Variants in AUTS2 observed in about 807,000 individuals in gnomAD.
AUTS2 encodes the protein activator of transcription and developmental regulator AUTS2.
AUTS2 carries 17 observed loss-of-function variants against 112.4 expected under a neutral mutation model. The ratio of observed to expected loss-of-function variants is 0.15; its 90% CI spans 0.10 to 0.23. The LOEUF (loss-of-function observed/expected upper bound fraction) is 0.23. AUTS2 is among the 10% of genes least tolerant of loss of function. The probability of loss-of-function intolerance (pLI) is 1.00; values close to 1 mark genes in which losing one functional copy is unlikely to be tolerated. For missense variants in AUTS2, 1,510 were observed against 1,701.6 expected (o/e 0.89, Z 1.98); for synonymous variants, 751 against 702.7 (o/e 1.07, Z -1.09).
intron 4 of AUTS2, among the ~76,000 whole-genome samples, chr7:70,230,771 T>C (rs1487018025): frequency 6.6e-6 from 1 of 152,272 alleles, no homozygotes; most frequent in Non-Finnish European, 1.5e-5. Context: ...TACTGGTTTG[T>C]TGCTTGCTTC....
chr7:70,329,772 G>A (rs1357483875), intron 4 of AUTS2, among the ~76,000 whole-genome samples: 3 of 151,634 alleles, frequency 2.0e-5, no homozygotes, highest in Non-Finnish European at 4.4e-5. Context: ...ATTTGATGAA[G>A]TCTTAGCCTG....
At chr7:69,730,746 G>A (rs1786757003) in intron 1 of AUTS2, among the ~76,000 whole-genome samples, 1 of 152,150 alleles carries the variant, frequency 6.6e-6, no homozygotes, top group Non-Finnish European at 1.5e-5. Context: ...TAATATGTGT[G>A]CACCATCATT....
chr7:69,786,609 C>T (rs945841148), intron 1 of AUTS2, among the ~76,000 whole-genome samples: 3 of 152,180 alleles, frequency 2.0e-5, no homozygotes, highest in African/African-American at 7.2e-5. Flanking sequence ...AGCTGTAACA[C>T]TCACCACGAA....
At chr7:70,771,361 T>TTTAAC in intron 10 of AUTS2, 188 bp from the exon 11 acceptor site, 1 of 459,838 alleles carries the variant, frequency 2.2e-6, no homozygotes. Context: ...CTGAACTACT[T>TTTAAC]TTAACTTTTT....
intron 4 of AUTS2, among the ~76,000 whole-genome samples, chr7:70,397,509 C>T (rs1447518138): frequency 6.6e-6 from 1 of 151,980 alleles, no homozygotes; most frequent in African/African-American, 2.4e-5. Context: ...CTATATAAAT[C>T]TTTTGCCCAT....
At chr7:70,520,801 A>G (rs1799611373) in intron 5 of AUTS2, among the ~76,000 whole-genome samples, 2 of 152,222 alleles carry the variant, frequency 1.3e-5, no homozygotes, top group Non-Finnish European at 2.9e-5. Context: ...ACTGAGAAGC[A>G]GTTCAGAGAT....
At chr7:69,987,667 G>T (rs1339199613) in intron 2 of AUTS2, among the ~76,000 whole-genome samples, 1 of 152,102 alleles carries the variant, frequency 6.6e-6, no homozygotes, top group Non-Finnish European at 1.5e-5. Flanking sequence ...ACCAGGTCTT[G>T]TGATGTTGCC....
intron 4 of AUTS2, among the ~76,000 whole-genome samples, chr7:70,137,347 G>T (rs1307152693): frequency 6.6e-6 from 1 of 151,462 alleles, no homozygotes; most frequent in African/African-American, 2.4e-5. Context: ...ACATACTCAT[G>T]CCCAGCTCAT....
At chr7:69,625,538 C>T (rs1793904045) in intron 1 of AUTS2, among the ~76,000 whole-genome samples, 1 of 151,932 alleles carries the variant, frequency 6.6e-6, no homozygotes, top group Admixed American at 6.6e-5. Flanking sequence ...AAAAGAACAC[C>T]TAGATAAAAA....
At position 69,830,454 on chromosome 7, in the gene AUTS2, G is replaced by A. The variant is rs868764889; in HGVS notation, c.310-68832G>A. ...TAAAAATTCAGTATGTTTTCTTGTT[G>A]TCTTATTTCACCAATGAGCTCAGAT... On this transcript the variant is annotated intron_variant, in intron 1 of 18. Transcript: ENST00000342771. Among the ~76,000 whole-genome samples the A allele has an allele frequency of 7.6e-4, 115 of 152,212 alleles. 1 individual carries two copies. Among genetic ancestry groups the A allele is most frequent in the African/African-American group, 2.6e-3 (109 of 41,550 alleles).
intron 2 of AUTS2, among the ~76,000 whole-genome samples, chr7:69,934,773 G>A (rs1403223263): frequency 3.3e-5 from 5 of 152,124 alleles, no homozygotes; most frequent in Non-Finnish European, 7.3e-5. Context: ...GTTCAATCTC[G>A]TCTTGACAGA....
intron 1 of AUTS2, among the ~76,000 whole-genome samples, chr7:69,657,806 A>G (rs1795611614): frequency 6.6e-6 from 1 of 152,224 alleles, no homozygotes; most frequent in African/African-American, 2.4e-5. Context: ...CAGTGGGCAT[A>G]CTTCTCTTCT....
chr7:69,607,595 C>G (rs994580458), intron 1 of AUTS2, among the ~76,000 whole-genome samples: 2 of 152,158 alleles, frequency 1.3e-5, no homozygotes, highest in South Asian at 4.1e-4. Context: ...TGTCTGAATT[C>G]TAGTTAGTTT....
chr7:70,281,497 T>C (rs959503209), intron 4 of AUTS2, among the ~76,000 whole-genome samples: 4 of 152,168 alleles, frequency 2.6e-5, no homozygotes, highest in Non-Finnish European at 5.9e-5. Context: ...GTTAAAGTGA[T>C]AGGGTGGAAA....
intron 1 of AUTS2, among the ~76,000 whole-genome samples, chr7:69,620,913 G>C (rs374312350): frequency 5.4e-4 from 82 of 152,146 alleles, no homozygotes; most frequent in Non-Finnish European, 1.2e-3. Flanking sequence ...GGGAATAAGG[G>C]CAGGGACTTG....
intron 1 of AUTS2, among the ~76,000 whole-genome samples, chr7:69,805,372 A>G (rs1043046498): frequency 2.0e-5 from 3 of 152,230 alleles, no homozygotes; most frequent in African/African-American, 7.2e-5. Flanking sequence ...GGGGGAGGAT[A>G]GTCAGAAAGA....
intron 1 of AUTS2, among the ~76,000 whole-genome samples, chr7:69,619,084 C>T (rs550723020): frequency 6.6e-6 from 1 of 152,254 alleles, no homozygotes; most frequent in East Asian, 1.9e-4. Context: ...ATGCCTGGTA[C>T]CAAGCCATGT....
At chr7:70,165,480 G>C (rs1359099929) in intron 4 of AUTS2, among the ~76,000 whole-genome samples, 1 of 152,218 alleles carries the variant, frequency 6.6e-6, no homozygotes, top group Non-Finnish European at 1.5e-5. Context: ...AATTATGTTA[G>C]TGAAAAGAGT....
chr7:70,404,317 A>T (rs187638110), intron 4 of AUTS2, among the ~76,000 whole-genome samples: 4 of 152,264 alleles, frequency 2.6e-5, no homozygotes, highest in African/African-American at 9.6e-5. Context: ...AGTTTCCTAA[A>T]TTTCCTGACT....
Sources: gnomAD v4.1 joint callset for allele counts (sites outside exome capture counted in the v4.1 genomes callset) on GRCh38, gnomAD v4.1.1 for gene constraint, MANE v1.5 for transcripts, NCBI Gene and HGNC (gene_info 2026-07-23, HGNC 2026-07-21) for gene names.